CFLAR: variants seen among roughly 807,000 people sequenced by gnomAD.
CFLAR encodes CASP8 and FADD-like apoptosis regulator.
Under a neutral mutation model 51.1 loss-of-function variants are expected in CFLAR, and 14 were observed. That is an observed-to-expected ratio of 0.27 (90% confidence interval 0.18 to 0.43). The LOEUF (loss-of-function observed/expected upper bound fraction) is 0.43. Ranked by LOEUF, CFLAR falls within the 20% of genes least tolerant of loss-of-function variation. The probability of loss-of-function intolerance (pLI) is 1.00; values close to 1 mark genes in which losing one functional copy is unlikely to be tolerated. For missense variants in CFLAR, 390 were observed against 566.5 expected (o/e 0.69, Z 3.16); for synonymous variants, 210 against 211.6 (o/e 0.99, Z 0.06).
At chr2:201,140,578 G>A in intron 5 of CFLAR, 139 bp downstream of exon 5, 3 of 607,242 alleles carry the variant, frequency 4.9e-6, no homozygotes, top group Non-Finnish European at 2.8e-6. Context: ...TTTTAAAAAC[G>A]TGTAACTTCT....
At chr2:201,121,817 T>C (rs2048214956) in intron 1 of CFLAR, among the ~76,000 whole-genome samples, 1 of 152,238 alleles carries the variant, frequency 6.6e-6, no homozygotes, top group Non-Finnish European at 1.5e-5. Flanking sequence ...AAATATTTTA[T>C]TGCAGTAGTG....
Position 201,130,039 on chromosome 2 carries a change from G to T in CFLAR, c.174G>T (p.Leu58=), listed in dbSNP as rs1244576413. 6.2e-7 allele frequency: 1 copy of T among 1,614,052 alleles called. No individual in the cohort carries two copies. Among genetic ancestry groups the T allele is most frequent in the African/African-American group, 1.3e-5 (1 of 74,904 alleles). The change falls in exon 2 of 10, where the codon CTG becomes CTT. Residue 58 remains leucine, a synonymous_variant. Coordinates refer to ENST00000309955, the MANE Select transcript of CFLAR (RefSeq NM_003879.7). The part of the protein sequence containing the change: ...GKLSVGDLAE[L]LYRVRRFDLL... ...TGTCTGTCGGGGACTTGGCTGAACTGCTCTACAGAGTGAGGCGATTTGACC... is the reference window on the plus strand; with the variant it reads ...TGTCTGTCGGGGACTTGGCTGAACTTCTCTACAGAGTGAGGCGATTTGACC...
intron 5 of CFLAR, 60 bp from the exon 6 acceptor site, chr2:201,145,318 T>G: frequency 1.1e-6 from 1 of 946,540 alleles, no homozygotes; most frequent in Non-Finnish European, 1.7e-6. Flanking sequence ...AGAGGTGTAA[T>G]GTATAGTGTA....
chr2:201,119,466 T>G (rs1250279521), intron 1 of CFLAR, among the ~76,000 whole-genome samples: 3 of 152,198 alleles, frequency 2.0e-5, no homozygotes, highest in African/African-American at 7.2e-5. Context: ...TTTGTTTGTT[T>G]GTTTTGTCTT....
chr2:201,140,194 T>G, intron 4 of CFLAR, 163 bp from the exon 5 acceptor site: 2 of 748,996 alleles, frequency 2.7e-6, no homozygotes, highest in Non-Finnish European at 2.1e-6. Flanking sequence ...TTCTTCATGA[T>G]GTTTGGTCGA....
Position 201,138,983 on chromosome 2 carries a change from G to A in CFLAR, c.524-1374G>A, listed in dbSNP as rs1414180871. ...GTTGTAGGTGAGTCCCTGGTCACTG[G>A]CGAAGAGCTGCTGCACGGTGTGGGG... On this transcript the variant is annotated intron_variant, in intron 4 of 9. Transcript: ENST00000309955. The surrounding 1 kb of genome is among the most constrained non-coding windows in gnomAD (Gnocchi z 4.0). The A allele has an allele frequency of 5.4e-6, 3 of 552,080 alleles. No individual in the cohort carries two copies. Among genetic ancestry groups the A allele is most frequent in the East Asian group, 4.6e-5 (1 of 21,666 alleles). The allele number at this position is 552,080 out of a possible 1,614,324, so 34.2% of individuals were successfully genotyped here.
In CFLAR at chr2:201,169,131, C is replaced by T. The variant is rs192515315; in HGVS notation, c.*5158C>T. On this transcript the variant is annotated 3_prime_UTR_variant, in exon 10 of 10. Coordinates refer to ENST00000309955, the MANE Select transcript of CFLAR (RefSeq NM_003879.7). ...AACTACTTTAAAATTCAAATGGAAC[C>T]AAAAAAGAGCCCGTATAACCAAGAC... The T allele has an allele frequency of 6.6e-6, 1 of 151,914 alleles. No individual in the cohort carries two copies. The highest frequency in any genetic ancestry group is 1.5e-5 in the Non-Finnish European group (1 of 68,006). 9.4% of individuals were successfully genotyped at this position (151,914 alleles called of 1,614,324 possible). A position where few individuals can be genotyped will look rare whatever the true frequency, so the allele number is the denominator to read the frequency against.
Position 201,160,971 on chromosome 2 carries a change from G to T in CFLAR, c.1304+29G>T. The stretch of plus-strand genomic sequence containing the variant: ...AGCCCCCAGGAGGTGGTCAGTTCCG[G>T]ACCACCTGCTTATTTTCGTGCCACC... On this transcript the variant is annotated intron_variant, in intron 9 of 9. Coordinates refer to ENST00000309955, the MANE Select transcript of CFLAR (RefSeq NM_003879.7). 1.9e-6 allele frequency: 3 copies of T among 1,544,768 alleles called. No homozygotes were observed. In the South Asian group the frequency reaches 3.4e-5, roughly 17 times the overall value.
intron 8 of CFLAR, among the ~76,000 whole-genome samples, chr2:201,155,463 C>T (rs1423023314): frequency 6.6e-6 from 1 of 151,964 alleles, no homozygotes; most frequent in East Asian, 1.9e-4. Flanking sequence ...GGGGTTTCAC[C>T]ATGTTGGCCA....
At chr2:201,150,527 A>T (rs61289882) in intron 8 of CFLAR, 38,223 of 152,060 alleles carry the variant, frequency 0.25, 5,680 homozygotes, top group African/African-American at 0.41. Flanking sequence ...AATATGTGTT[A>T]CAACACAATA....
intron 2 of CFLAR, among the ~76,000 whole-genome samples, chr2:201,130,538 G>GT (rs752166423): frequency 2.7e-5 from 4 of 150,678 alleles, no homozygotes; most frequent in Non-Finnish European, 4.4e-5. Context: ...ATTTTTTTTT[G>GT]TATTTTTAGT....
At chr2:201,126,222 A>G (rs2048695219) in intron 1 of CFLAR, among the ~76,000 whole-genome samples, 1 of 152,208 alleles carries the variant, frequency 6.6e-6, no homozygotes, top group Non-Finnish European at 1.5e-5. Context: ...ACAATTTTAC[A>G]GAAGTAAAGT....
At chr2:201,137,154 T>C in intron 4 of CFLAR, 1 of 186,054 alleles carries the variant, frequency 5.4e-6, no homozygotes, top group Non-Finnish European at 1.1e-5. Flanking sequence ...CCTGGGGGGC[T>C]GGGGACAGGG....
chr2:201,149,021 C>A lies in CFLAR; in HGVS notation c.680C>A (p.Ser227Tyr), dbSNP rs1940791054. Residue 227 changes from serine (S) to tyrosine (Y), a missense_variant, in exon 7 of 10, where the codon TCC becomes TAC. Physicochemically the swap from Ser to Tyr is moderately radical, Grantham distance 144. This residue lies in a region of CFLAR where 287 missense variants were observed against 363.6 expected (regional missense o/e 0.79). Transcript: ENST00000309955. Reference sequence around the variant, plus strand: ...CCCCCAGAAGAACCAGTGAAGAAATCCATTCAGGAATCAGAAGCTTTTTTG... The same window carrying A: ...CCCCCAGAAGAACCAGTGAAGAAATACATTCAGGAATCAGAAGCTTTTTTG... Reference protein sequence around the residue: ...LGAQQEPVKKSIQESEAFLPQ... With the variant: ...LGAQQEPVKKYIQESEAFLPQ... 3 of 1,612,344 alleles carry A rather than the reference C, an allele frequency of 1.9e-6. No homozygotes were observed. The highest frequency in any genetic ancestry group is 2.5e-6 in the Non-Finnish European group (3 of 1,178,524).
At position 201,169,701 on chromosome 2, in the gene CFLAR, A is replaced by C. The variant is rs1943895116; in HGVS notation, c.*5728A>C. ...GAATGGGAGAACATTTTTGCAATCT[A>C]TCCATCTGACAAAGGTCTAATATCC... On this transcript the variant is annotated 3_prime_UTR_variant, in exon 10 of 10. Transcript: ENST00000309955. The C allele has an allele frequency of 6.6e-6, 1 of 152,276 alleles. No homozygotes were observed. The highest frequency in any genetic ancestry group is 1.9e-4 in the East Asian group (1 of 5,184). The allele number at this position is 152,276 out of a possible 1,614,324, so 9.4% of individuals were successfully genotyped here. A position where few individuals can be genotyped will look rare whatever the true frequency, so the allele number is the denominator to read the frequency against.
At chr2:201,163,636 G>T in intron 9 of CFLAR, 199 bp from the exon 10 acceptor site, 2 of 1,381,262 alleles carry the variant, frequency 1.4e-6, no homozygotes, top group Non-Finnish European at 1.9e-6. Flanking sequence ...AAACTCAGCA[G>T]CCCCTTGAGG....
chr2:201,149,715 A>G (rs763610557), intron 7 of CFLAR, 39 bp from the exon 8 acceptor site: 44 of 1,496,986 alleles, frequency 2.9e-5, no homozygotes, highest in Non-Finnish European at 2.5e-5. Context: ...AAACAGAGCA[A>G]TATCCAGAGT....
Position 201,138,668 on chromosome 2 carries a change from C to T in CFLAR, c.524-1689C>T. The T allele has an allele frequency of 1.0e-6, 1 of 1,004,892 alleles. No homozygotes were observed. Among genetic ancestry groups the T allele is most frequent in the Non-Finnish European group, 1.6e-6 (1 of 638,052 alleles). 62.2% of individuals were successfully genotyped at this position (1,004,892 alleles called of 1,614,324 possible). On this transcript the variant is annotated intron_variant, in intron 4 of 9. Coordinates refer to ENST00000309955, the MANE Select transcript of CFLAR (RefSeq NM_003879.7). The surrounding 1 kb of genome is among the most constrained non-coding windows in gnomAD (Gnocchi z 4.0). ...AGCCATGACGCATCTTGGCCTCCAA[C>T]ACATCACCCACAGTGTGCAAGGGGC...
intron 3 of CFLAR, among the ~76,000 whole-genome samples, chr2:201,133,824 G>A (rs1187678369): frequency 1.3e-5 from 2 of 151,034 alleles, no homozygotes; most frequent in Admixed American, 6.6e-5. Context: ...CCAGTTACTC[G>A]GGAGGCTGAG....
Sources: allele counts gnomAD v4.1 joint callset (sites outside exome capture counted in the v4.1 genomes callset), GRCh38; gene constraint gnomAD v4.1.1; regional missense constraint gnomAD v4.1.1; non-coding constraint Gnocchi (gnomAD v3.1); transcripts MANE v1.5; gene names NCBI Gene and HGNC (gene_info 2026-07-23, HGNC 2026-07-21).